Variants in HERC1 observed in about 807,000 individuals in gnomAD.
HERC1 encodes the protein probable E3 ubiquitin-protein ligase HERC1.
A neutral mutation model predicts 554.3 loss-of-function variants in HERC1; 160 were observed. That is an observed-to-expected ratio of 0.29 (90% CI 0.25 to 0.33). The LOEUF (loss-of-function observed/expected upper bound fraction) is 0.33, where lower values mean the gene tolerates loss of function less well. Among genes scored for constraint, HERC1 ranks in the 10% least tolerant of loss-of-function variants. The pLI is 1.00. For missense variants in HERC1, 4,919 were observed against 5,918.5 expected, an observed-to-expected ratio of 0.83 and a Z score of 5.54; for synonymous variants, 2,175 against 2,131.7, an observed-to-expected ratio of 1.02 and a Z score of -0.56.
chr15:63,729,440 A>G, intron 15 of HERC1, 57 bp downstream of exon 15: 1 of 1,596,810 alleles, frequency 6.3e-7, no homozygotes, highest in African/African-American at 1.3e-5. Flanking sequence ...GGCCTATCCA[A>G]ATATCTGAGT....
At chr15:63,725,078 C>T (rs1240223442) in intron 18 of HERC1, among the ~76,000 whole-genome samples, 1 of 152,146 alleles carries the variant, frequency 6.6e-6, no homozygotes, top group East Asian at 1.9e-4. Context: ...ACCAGACCTA[C>T]AATTTCTATT....
intron 39 of HERC1, among the ~76,000 whole-genome samples, chr15:63,670,240 T>G (rs2070838665): frequency 6.6e-6 from 1 of 152,024 alleles, no homozygotes; most frequent in Middle Eastern, 3.2e-3. Context: ...AGCGGCACAG[T>G]CGGGGAAAGG....
At chr15:63,827,848 C>T (rs1474415570) in intron 1 of HERC1, among the ~76,000 whole-genome samples, 1 of 152,108 alleles carries the variant, frequency 6.6e-6, no homozygotes, top group Non-Finnish European at 1.5e-5. Context: ...CATGGATGAA[C>T]CTTGACAAAA....
intron 70 of HERC1, 106 bp downstream of exon 70, chr15:63,628,571 G>A: frequency 8.4e-7 from 1 of 1,191,004 alleles, no homozygotes. Context: ...AAGGCTTGAT[G>A]GTTTCACAAC....
Position 63,749,726 on chromosome 15 carries a change from G to C in HERC1, c.1968C>G (p.Pro656=). The change falls in exon 9 of 78, where the codon CCC becomes CCG. Residue 656 remains proline (P), a synonymous_variant. Transcript: ENST00000443617. The surrounding 1 kb of genome is among the most constrained non-coding windows in gnomAD (Gnocchi z 4.1). ...CGSSEATALR[P]KLIEELAATR... Reference sequence around the variant, plus strand: ...TGGCAGCCAGTTCTTCAATAAGCTTGGGTCTCAAAGCAGTAGCTTCTGAAG... The same window carrying C: ...TGGCAGCCAGTTCTTCAATAAGCTTCGGTCTCAAAGCAGTAGCTTCTGAAG... 6.3e-7 allele frequency: 1 copy of C among 1,582,940 alleles called. No homozygotes were observed. The highest frequency in any genetic ancestry group is 8.6e-7 in the Non-Finnish European group (1 of 1,163,742).
At chr15:63,811,579 A>T (rs1220165987) in intron 1 of HERC1, among the ~76,000 whole-genome samples, 1 of 151,946 alleles carries the variant, frequency 6.6e-6, no homozygotes, top group African/African-American at 2.4e-5. Flanking sequence ...GGCGGCCGAG[A>T]CGGGCAGATC....
At chr15:63,790,027 A>G (rs1225032293) in intron 1 of HERC1, among the ~76,000 whole-genome samples, 3 of 152,106 alleles carry the variant, frequency 2.0e-5, no homozygotes, top group Admixed American at 1.3e-4. Flanking sequence ...AATCTAGGCT[A>G]TACCATTTAC....
chr15:63,619,151 C>A (rs1321681143), intron 74 of HERC1, among the ~76,000 whole-genome samples: 1 of 152,096 alleles, frequency 6.6e-6, no homozygotes, highest in East Asian at 1.9e-4. Context: ...ATAGCTCTTA[C>A]TATTTTGAGA....
intron 76 of HERC1, 132 bp downstream of exon 76, chr15:63,615,636 A>G (rs2067782659): frequency 1.7e-6 from 1 of 592,120 alleles, no homozygotes; most frequent in Non-Finnish European, 2.7e-6. Context: ...ATTAAAATAA[A>G]TAAATTCATA....
chr15:63,661,020 T>C lies in HERC1; in HGVS notation c.9176A>G (p.Lys3059Arg), dbSNP rs1196285117. 9.3e-6 allele frequency: 15 copies of C among 1,611,492 alleles called. No homozygotes were observed. The highest frequency in any genetic ancestry group is 1.3e-5 in the Non-Finnish European group (15 of 1,177,694). Residue 3059 changes from lysine (K) to arginine (R), a missense_variant, in exon 46 of 78, where the codon AAG becomes AGG. Transcript: ENST00000443617. Reference sequence around the variant, plus strand: ...GCCAATTAGATCTGGAGCTTGTCCCTTGTACCTGCACCAAACATGAAGAAC... The same window carrying C: ...GCCAATTAGATCTGGAGCTTGTCCCCTGTACCTGCACCAAACATGAAGAAC... ...KSKSTSSERYKGQAPDLIGKQ... is the reference protein window; with the variant it reads ...KSKSTSSERYRGQAPDLIGKQ...
intron 33 of HERC1, among the ~76,000 whole-genome samples, chr15:63,686,748 T>C (rs1359410453): frequency 6.6e-6 from 1 of 152,178 alleles, no homozygotes; most frequent in Non-Finnish European, 1.5e-5. Flanking sequence ...GACAAATACA[T>C]ACTGCTAGTA....
intron 40 of HERC1, 38 bp from the exon 41 acceptor site, chr15:63,666,510 A>C: frequency 8.5e-6 from 11 of 1,292,094 alleles, no homozygotes; most frequent in Non-Finnish European, 1.2e-5. Context: ...CCTAAATATC[A>C]CTAGATACCG....
Position 63,612,982 on chromosome 15 carries a change from T to C in HERC1, c.14095-426A>G, listed in dbSNP as rs996324640. Among the ~76,000 whole-genome samples, 4 of 152,248 alleles carry C rather than the reference T, an allele frequency of 2.6e-5. No individual in the cohort carries two copies. Among genetic ancestry groups the C allele is most frequent in the African/African-American group, 9.6e-5 (4 of 41,466 alleles). On this transcript the variant is annotated intron_variant, in intron 76 of 77. Coordinates refer to ENST00000443617, the MANE Select transcript of HERC1 (RefSeq NM_003922.4). The surrounding 1 kb of genome is among the most constrained non-coding windows in gnomAD (Gnocchi z 5.0). ...ACTCAACTAGCTGCCTACTGTTTTTTAAATTTATATTTGTCTTTTGAAAAT... is the reference window on the plus strand; with the variant it reads ...ACTCAACTAGCTGCCTACTGTTTTTCAAATTTATATTTGTCTTTTGAAAAT...
intron 12 of HERC1, among the ~76,000 whole-genome samples, chr15:63,743,763 T>G (rs1354508981): frequency 6.6e-6 from 1 of 152,244 alleles, no homozygotes. Context: ...AACAAAGCTA[T>G]TTTGAATTCT....
At chr15:63,784,890 C>T (rs540583302) in intron 1 of HERC1, among the ~76,000 whole-genome samples, 1 of 152,250 alleles carries the variant, frequency 6.6e-6, no homozygotes, top group East Asian at 1.9e-4. Context: ...GGATTACAGG[C>T]GTGAGCCTCT....
intron 41 of HERC1, 24 bp downstream of exon 41, chr15:63,666,332 C>A (rs766260272): frequency 1.3e-6 from 2 of 1,525,004 alleles, no homozygotes; most frequent in Non-Finnish European, 1.8e-6. Context: ...TCTGTATACA[C>A]TGATATATAA....
At chr15:63,663,624 G>GTTTTTTAA (rs1566986731) in intron 43 of HERC1, among the ~76,000 whole-genome samples, 1 of 152,000 alleles carries the variant, frequency 6.6e-6, no homozygotes, top group Non-Finnish European at 1.5e-5. Context: ...CCAGCTAACC[G>GTTTTTTAA]TTTTTTAATT....
In HERC1 at chr15:63,758,769, G is replaced by T. The variant is rs2075512786; in HGVS notation, c.1027-400C>A. ...ATTATTTAACACAGTCACCACAGAGGATACATAAAAGTGACAAACTGCACA... is the reference window on the plus strand; with the variant it reads ...ATTATTTAACACAGTCACCACAGAGTATACATAAAAGTGACAAACTGCACA... On this transcript the variant is annotated intron_variant, in intron 3 of 77. Coordinates refer to ENST00000443617, the MANE Select transcript of HERC1 (RefSeq NM_003922.4). This position sits in a 1 kb window ranked among gnomAD's most constrained non-coding sequence, Gnocchi z 4.0. Among the ~76,000 whole-genome samples, 1 of 152,094 alleles carries T rather than the reference G, an allele frequency of 6.6e-6. No homozygotes were observed. The highest frequency in any genetic ancestry group is 2.1e-4 in the South Asian group (1 of 4,800).
At chr15:63,808,248 C>G (rs566674396) in intron 1 of HERC1, among the ~76,000 whole-genome samples, 1 of 152,008 alleles carries the variant, frequency 6.6e-6, no homozygotes, top group Non-Finnish European at 1.5e-5. Flanking sequence ...ATAACGGCTG[C>G]TATCAAACTT....
Sources: allele counts gnomAD v4.1 joint callset (sites outside exome capture counted in the v4.1 genomes callset), GRCh38; gene constraint gnomAD v4.1.1; non-coding constraint Gnocchi (gnomAD v3.1); transcripts MANE v1.5; gene names NCBI Gene and HGNC (gene_info 2026-07-23, HGNC 2026-07-21).